CUL4B: variants seen among roughly 807,000 people sequenced by gnomAD.
CUL4B encodes the protein cullin 4B.
CUL4B carries 1 observed loss-of-function variant against 69.2 expected under a neutral mutation model. The ratio of observed to expected loss-of-function variants is 0.01; its 90% CI spans 0.01 to 0.07. The LOEUF (loss-of-function observed/expected upper bound fraction) is 0.07, where lower values mean the gene tolerates loss of function less well. CUL4B is among the 10% of genes least tolerant of loss of function. CUL4B has a pLI of 1.00. For synonymous variants in CUL4B, 237 were observed against 223.2 expected, an observed-to-expected ratio of 1.06 and a Z score of -0.55; for missense variants, 328 against 638.8, an observed-to-expected ratio of 0.51 and a Z score of 5.24.
chrX:120,535,996 T>C, intron 15 of CUL4B, 53 bp from the exon 16 acceptor site: 1 of 876,989 alleles, frequency 1.1e-6, no homozygotes, highest in South Asian at 2.0e-5. Flanking sequence ...ATACCACATT[T>C]ACCATTTTTA....
intron 2 of CUL4B, among the ~76,000 whole-genome samples, chrX:120,548,216 G>T (rs767397218): frequency 5.7e-4 from 63 of 110,936 alleles, no homozygotes; most frequent in African/African-American, 1.9e-3. Context: ...CAAGGTTGAA[G>T]TGAACCATGA....
intron 11 of CUL4B, 54 bp from the exon 12 acceptor site, chrX:120,539,426 G>C: frequency 1.4e-6 from 1 of 697,951 alleles, no homozygotes; most frequent in Non-Finnish European, 2.2e-6. Context: ...ACGAGGTACT[G>C]GGCACTATAT....
At chrX:120,568,210 A>G (rs763636143), downstream of CUL4B, among the ~76,000 whole-genome samples, 21 of 111,146 alleles carry the variant, frequency 1.9e-4, no homozygotes, top group African/African-American at 6.9e-4. Context: ...GGGAGTGGTG[A>G]GAGGTGAGGT....
At chrX:120,527,958 G>A (rs184566956) in intron 19 of CUL4B, among the ~76,000 whole-genome samples, 2 of 112,498 alleles carry the variant, frequency 1.8e-5, no homozygotes, top group East Asian at 2.8e-4. Context: ...AAATACAAAA[G>A]ACTACATTTA....
intron 9 of CUL4B, 48 bp downstream of exon 9, chrX:120,542,918 G>A (rs1185753864): frequency 1.1e-6 from 1 of 925,948 alleles, no homozygotes; most frequent in South Asian, 2.0e-5. Flanking sequence ...CTACTAGTTT[G>A]CCACTACCAT....
At chrX:120,574,570 A>T (rs1456058035) in exon 2 of CUL4B, 6 of 1,204,699 alleles carry the variant, frequency 5.0e-6, no homozygotes, top group Non-Finnish European at 6.7e-6. Context: ...TAGAGGTAGT[A>T]GCCTCATCAT....
At position 120,532,417 on chromosome X, in the gene CUL4B, A is replaced by C; in HGVS notation, c.2439+5T>G. The C allele has an allele frequency of 8.4e-7, 1 of 1,186,621 alleles. No individual in the cohort carries two copies. Among genetic ancestry groups the C allele is most frequent in the Non-Finnish European group, 1.1e-6 (1 of 873,618 alleles). On this transcript the variant is annotated splice_donor_5th_base_variant and intron_variant, in intron 18 of 19. Transcript: ENST00000371322. ...GTTAGGACTAAGAGAAAGTGAAAGA[A>C]ATACCGTTTCTTTCATCTGGATTTG...
chrX:120,561,187 C>G (rs1398997597), upstream of CUL4B: 7 of 693,944 alleles, frequency 1.0e-5, no homozygotes, highest in African/African-American at 4.5e-5. Flanking sequence ...CGGGGGAGCT[C>G]GCGCGTGAGG....
downstream of CUL4B, among the ~76,000 whole-genome samples, chrX:120,570,485 G>A (rs1267499776): frequency 1.8e-5 from 2 of 112,091 alleles, no homozygotes; most frequent in Non-Finnish European, 3.8e-5. Flanking sequence ...GACAGAGACC[G>A]TATGGCCCAC....
At chrX:120,566,345 GTATATATATATATA>G (rs537274243), upstream of CUL4B, among the ~76,000 whole-genome samples, 665 of 40,952 alleles carry the variant, frequency 0.016, 24 homozygotes, top group African/African-American at 0.059. Context: ...GTGTGTATAG[GTATATATATATATA>G]TATATATATA....
chrX:120,541,896 T>C (rs780834030), intron 9 of CUL4B, among the ~76,000 whole-genome samples, 176 bp from the exon 10 acceptor site: 155 of 110,949 alleles, frequency 1.4e-3, no homozygotes, highest in African/African-American at 4.8e-3. Flanking sequence ...CAACCATCTT[T>C]CTGGGTAAAA....
At position 120,525,075 on chromosome X, in the gene CUL4B, G is replaced by A. The variant is rs1003589405; in HGVS notation, c.*1686C>T. 4 of 112,226 alleles carry A rather than the reference G, an allele frequency of 3.6e-5. No individual in the cohort carries two copies. The highest frequency in any genetic ancestry group is 7.5e-5 in the Non-Finnish European group (4 of 53,168). The allele number at this position is 112,226 out of a possible 1,213,427, so 9.2% of individuals were successfully genotyped here. A position where few individuals can be genotyped will look rare whatever the true frequency, so the allele number is the denominator to read the frequency against. ...GAGCTCATATAAAGAAATCAGTGAGGAGCTGAGAAAATATAGGCAATGGCT... is the reference window on the plus strand; with the variant it reads ...GAGCTCATATAAAGAAATCAGTGAGAAGCTGAGAAAATATAGGCAATGGCT... On this transcript the variant is annotated 3_prime_UTR_variant, in exon 20 of 20. Transcript: ENST00000371322.
intron 5 of CUL4B, 27 bp downstream of exon 5, chrX:120,545,417 C>G: frequency 9.7e-7 from 1 of 1,029,489 alleles, no homozygotes. Context: ...TTGGAACAAT[C>G]TTTTCATATT....
chrX:120,558,179 C>A, intron 1 of CUL4B, 140 bp from the exon 2 acceptor site: 1 of 448,697 alleles, frequency 2.2e-6, no homozygotes. Context: ...AAAGTAACCA[C>A]TGTATTTAAG....
At chrX:120,562,766 G>A (rs1462927289), upstream of CUL4B, among the ~76,000 whole-genome samples, 2 of 111,778 alleles carry the variant, frequency 1.8e-5, 1 homozygote, top group Non-Finnish European at 3.8e-5. Flanking sequence ...AACATGGAAA[G>A]TGCAGTGAGG....
In CUL4B at chrX:120,544,570, T is replaced by C. The variant is rs1422238078; in HGVS notation, c.994A>G (p.Ile332Val). The stretch of plus-strand genomic sequence containing the variant: ...CTTTCCCTCTCAATCAAGAGAAGAA[T>C]GCCATCAATTGTCTTATTCTGCACT... ...QKVQNKTIDGILLLIERERNG... is the reference protein window; with the variant it reads ...QKVQNKTIDGVLLLIERERNG... Residue 332 changes from isoleucine to valine, a missense_variant, in exon 6 of 20, where the codon ATT becomes GTT. By Grantham distance (29) the Ile-to-Val change is conservative (BLOSUM62 3). Coordinates refer to ENST00000371322, the MANE Select transcript of CUL4B (RefSeq NM_001079872.2). 8.3e-7 allele frequency: 1 copy of C among 1,207,622 alleles called. No individual in the cohort carries two copies. The highest frequency in any genetic ancestry group is 3.0e-5 in the East Asian group (1 of 33,804).
chrX:120,532,697 A>C, intron 17 of CUL4B, 103 bp from the exon 18 acceptor site: 3 of 768,761 alleles, frequency 3.9e-6, no homozygotes, highest in South Asian at 4.3e-5. Context: ...AAACTATTTC[A>C]TTTTTTCCCA....
chrX:120,529,557 C>T (rs1225907794), intron 19 of CUL4B, among the ~76,000 whole-genome samples: 1 of 111,661 alleles, frequency 9.0e-6, no homozygotes, highest in Non-Finnish European at 1.9e-5. Context: ...CATTAAGTGA[C>T]TTTATTATTG....
At chrX:120,552,807 G>C (rs1364899600) in intron 2 of CUL4B, among the ~76,000 whole-genome samples, 4 of 112,240 alleles carry the variant, frequency 3.6e-5, no homozygotes, top group African/African-American at 1.3e-4. Context: ...CTAAGGAGTG[G>C]AGTCTTAGTT....
Sources: gnomAD v4.1 joint callset for allele counts (sites outside exome capture counted in the v4.1 genomes callset) on GRCh38, gnomAD v4.1.1 for gene constraint, MANE v1.5 for transcripts, NCBI Gene and HGNC (gene_info 2026-07-23, HGNC 2026-07-21) for gene names.